The following ZNF417 variants were observed in gnomAD, a reference collection of about 807,000 sequenced individuals.
ZNF417 encodes the protein zinc finger protein 417.
ZNF417 carries 5 observed loss-of-function variants against 7.4 expected under a neutral mutation model. The observed-to-expected ratio is 0.68, with a 90% CI of 0.35 to 1.43. The LOEUF is 1.43. ZNF417 is among the 40% of genes most tolerant of loss of function. The probability of loss-of-function intolerance (pLI) is 0.04; values close to 1 mark genes in which losing one functional copy is unlikely to be tolerated. For synonymous variants in ZNF417, 147 were observed against 239.1 expected (o/e 0.61, Z 3.55); for missense variants, 437 against 697.3 (o/e 0.63, Z 4.20).
chr19:57,907,244 A>C lies in ZNF417; in HGVS notation c.*1306T>G, dbSNP rs756233375. ...TTTTGTTTCACTAAATGGGACAGGA[A>C]GTTTTAACTCTTGTATCCATGAAGC... On this transcript the variant is annotated 3_prime_UTR_variant, in exon 3 of 3. Coordinates refer to ENST00000312026, the MANE Select transcript of ZNF417 (RefSeq NM_152475.3). 3.9e-5 allele frequency: 6 copies of C among 152,246 alleles called. No individual in the cohort carries two copies. Among genetic ancestry groups the C allele is most frequent in the Admixed American group, 1.3e-4 (2 of 15,286 alleles). 9.4% of individuals were successfully genotyped at this position (152,246 alleles called of 1,614,324 possible). A position where few individuals can be genotyped will look rare whatever the true frequency, so the allele number is the denominator to read the frequency against.
intron 1 of ZNF417, among the ~76,000 whole-genome samples, chr19:57,914,930 C>T (rs1431145019): frequency 6.6e-6 from 1 of 152,208 alleles, no homozygotes; most frequent in East Asian, 1.9e-4. Flanking sequence ...CAGCACACCA[C>T]AAGCTAGAGA....
chr19:57,916,255 G>C, intron 1 of ZNF417, 124 bp downstream of exon 1: 3 of 1,565,492 alleles, frequency 1.9e-6, no homozygotes, highest in East Asian at 2.3e-5. Flanking sequence ...CCCCTCCTGC[G>C]AGCGCCTCAG....
chr19:57,910,693 C>T (rs1195039556), intron 2 of ZNF417, among the ~76,000 whole-genome samples: 3 of 152,064 alleles, frequency 2.0e-5, no homozygotes, highest in Admixed American at 6.6e-5. Context: ...ACAGCTCCTT[C>T]CTCTAAACAC....
In ZNF417 at chr19:57,909,169, T is replaced by C. The variant is rs1236240739; in HGVS notation, c.1109A>G (p.His370Arg). ...CCTTTCTCCAGTGTGAACACGCTGA[T>C]GGTTAATAAAGCAGAACTTCTGACG... ...SFRQKFCFIN[H>R]QRVHTGERPY... The change falls in exon 3 of 3, where the codon CAT (histidine) becomes CGT (arginine). Residue 370 changes from histidine (H) to arginine (R), a missense_variant. His to Arg is a conservative substitution (Grantham distance 29). Coordinates refer to ENST00000312026, the MANE Select transcript of ZNF417 (RefSeq NM_152475.3). The C allele has an allele frequency of 6.8e-6, 11 of 1,614,002 alleles. No individual in the cohort carries two copies. In the South Asian group the frequency reaches 1.1e-4, roughly 16 times the overall value.
Position 57,906,108 on chromosome 19 carries a change from T to C in ZNF417, c.*2442A>G, listed in dbSNP as rs1188039397. ...TATAAAGGTTTTGTGGGAACATAAT[T>C]GGGTGTAATAAAATAAAAATTTACA... is the stretch of plus-strand genomic sequence containing the variant. On this transcript the variant is annotated 3_prime_UTR_variant, in exon 3 of 3. Transcript: ENST00000312026. Among the ~76,000 whole-genome samples the C allele has an allele frequency of 6.6e-6, 1 of 152,152 alleles. No homozygotes were observed. The highest frequency in any genetic ancestry group is 1.5e-5 in the Non-Finnish European group (1 of 68,028).
At chr19:57,911,520 G>A (rs1453517936) in intron 2 of ZNF417, among the ~76,000 whole-genome samples, 4 of 152,128 alleles carry the variant, frequency 2.6e-5, no homozygotes, top group Non-Finnish European at 5.9e-5. Context: ...CATAGGACCC[G>A]ACGATGTAAC....
Position 57,908,506 on chromosome 19 carries a change from T to C in ZNF417, c.*44A>G, listed in dbSNP as rs10415951. ...CCAGTATGAACTCTCCTGTGTTTAATGAGACGGGATGTTTCAGCAAACGAT... is the reference window on the plus strand; with the variant it reads ...CCAGTATGAACTCTCCTGTGTTTAACGAGACGGGATGTTTCAGCAAACGAT... On this transcript the variant is annotated 3_prime_UTR_variant, in exon 3 of 3. Coordinates refer to ENST00000312026, the MANE Select transcript of ZNF417 (RefSeq NM_152475.3). The C allele has an allele frequency of 0.37, 602,475 of 1,609,618 alleles. 115,110 individuals are homozygous for C. The highest frequency in any genetic ancestry group is 0.4 in the Non-Finnish European group (468,026 of 1,176,656).
At position 57,906,223 on chromosome 19, in the gene ZNF417, CTA is replaced by C. The variant is rs1247698753; in HGVS notation, c.*2325_*2326del. The stretch of plus-strand genomic sequence containing the variant: ...AAACTTCTAGATATCATTGAAACTC[CTA>C]TGTTGATTAAAAATCATCAAAGATC... On this transcript the variant is annotated 3_prime_UTR_variant, in exon 3 of 3. Transcript: ENST00000312026. Among the ~76,000 whole-genome samples, 1 of 152,120 alleles carries C rather than the reference CTA, an allele frequency of 6.6e-6. No individual in the cohort carries two copies. The highest frequency in any genetic ancestry group is 1.5e-5 in the Non-Finnish European group (1 of 68,028).
At chr19:57,910,849 G>A (rs989649699) in intron 2 of ZNF417, among the ~76,000 whole-genome samples, 1 of 152,140 alleles carries the variant, frequency 6.6e-6, no homozygotes, top group Non-Finnish European at 1.5e-5. Context: ...TTGGAGACGA[G>A]CCTGGCTAAC....
Position 57,908,846 on chromosome 19 carries a change from A to T in ZNF417, c.1432T>A (p.Cys478Ser), listed in dbSNP as rs745887389. 18 of 1,613,774 alleles carry T rather than the reference A, an allele frequency of 1.1e-5. No individual in the cohort carries two copies. In the East Asian group the frequency reaches 2.5e-4, roughly 22 times the overall value. Residue 478 changes from cysteine (C) to serine (S), a missense_variant, in exon 3 of 3, where the codon TGC (cysteine) becomes AGC (serine). This residue lies in a region of ZNF417 where 233 missense variants were observed against 235.5 expected (regional missense o/e 0.99). Transcript: ENST00000312026. ...TGAATCCTCTGATGTATAGTCACGC[A>T]GTTCTTATTACCAAATAATTTCCCA... ...VCGKLFGNKN[C>S]VTIHQRIHTG...
chr19:57,912,913 C>A (rs1298135748), intron 1 of ZNF417, among the ~76,000 whole-genome samples: 1 of 151,994 alleles, frequency 6.6e-6, no homozygotes, highest in Non-Finnish European at 1.5e-5. Context: ...CACCCAGCCC[C>A]CACAAATAAA....
Position 57,916,464 on chromosome 19 carries a change from G to C in ZNF417, c.-53C>G. On this transcript the variant is annotated 5_prime_UTR_variant, in exon 1 of 3. Transcript: ENST00000312026. ...GAGCAGTGGTCGCCGTCACGGGGCT[G>C]CAGAGCCGCCTCTGGGCACCGAGGA... is the stretch of plus-strand genomic sequence containing the variant. 1 of 1,612,728 alleles carries C rather than the reference G, an allele frequency of 6.2e-7. No homozygotes were observed. The highest frequency in any genetic ancestry group is 8.5e-7 in the Non-Finnish European group (1 of 1,179,634).
In ZNF417 at chr19:57,906,642, G is replaced by A. The variant is rs1448658726; in HGVS notation, c.*1908C>T. Among the ~76,000 whole-genome samples, 1 of 147,490 alleles carries A rather than the reference G, an allele frequency of 6.8e-6. No homozygotes were observed. Among genetic ancestry groups the A allele is most frequent in the African/African-American group, 2.5e-5 (1 of 40,044 alleles). On this transcript the variant is annotated 3_prime_UTR_variant, in exon 3 of 3. Coordinates refer to ENST00000312026, the MANE Select transcript of ZNF417 (RefSeq NM_152475.3). Reference sequence around the variant, plus strand: ...TGGGCGTGGTGGAGGGAACCTATAGGCCCAGCTACTTGGGAGGCTGAGGCA... The same window carrying A: ...TGGGCGTGGTGGAGGGAACCTATAGACCCAGCTACTTGGGAGGCTGAGGCA...
chr19:57,916,507 C>T lies in ZNF417; in HGVS notation c.-96G>A, dbSNP rs2071950637. 1 of 1,601,594 alleles carries T rather than the reference C, an allele frequency of 6.2e-7. No homozygotes were observed. Among genetic ancestry groups the T allele is most frequent in the South Asian group, 1.1e-5 (1 of 89,984 alleles). The stretch of plus-strand genomic sequence containing the variant: ...ACCGAGGACGATTCCTCTCCACCTT[C>T]TAGGTTCAGTCACCGCGGTCCCCCC... On this transcript the variant is annotated 5_prime_UTR_variant, in exon 1 of 3. Transcript: ENST00000312026.
At chr19:57,916,343 G>C (rs759417447) in intron 1 of ZNF417, 36 bp downstream of exon 1, 75 of 1,614,130 alleles carry the variant, frequency 4.6e-5, no homozygotes, top group Non-Finnish European at 6.4e-5. Flanking sequence ...GGGTGACGAT[G>C]GGGTGACCTG....
intron 1 of ZNF417, 151 bp downstream of exon 1, chr19:57,916,228 G>A: frequency 6.8e-7 from 1 of 1,461,984 alleles, no homozygotes; most frequent in Non-Finnish European, 9.3e-7. Context: ...GACCCCCACT[G>A]GACAGTTACA....
At chr19:57,915,666 C>T (rs2071941262) in intron 1 of ZNF417, 2 of 388,376 alleles carry the variant, frequency 5.1e-6, no homozygotes, top group Admixed American at 8.8e-5. Flanking sequence ...TGGTTTCACT[C>T]TGAAACAAAA....
At chr19:57,912,223 C>T in intron 1 of ZNF417, 34 bp from the exon 2 acceptor site, 2 of 1,612,262 alleles carry the variant, frequency 1.2e-6, no homozygotes, top group Non-Finnish European at 1.7e-6. Flanking sequence ...ACAAACAGCC[C>T]CTCTGCTGAG....
intron 1 of ZNF417, among the ~76,000 whole-genome samples, chr19:57,912,864 C>T (rs1457565085): frequency 6.6e-6 from 1 of 152,102 alleles, no homozygotes; most frequent in Non-Finnish European, 1.5e-5. Context: ...ATCCATCCGC[C>T]TTGGCCTCCA....
Sources: gnomAD v4.1 joint callset for allele counts (sites outside exome capture counted in the v4.1 genomes callset) on GRCh38, gnomAD v4.1.1 for gene constraint, gnomAD v4.1.1 regional missense constraint, MANE v1.5 for transcripts, NCBI Gene and HGNC (gene_info 2026-07-23, HGNC 2026-07-21) for gene names.